The following DAB1 variants were observed in gnomAD, a reference collection of about 807,000 sequenced individuals.
The protein encoded by DAB1 is disabled homolog 1.
Under a neutral mutation model 64.6 loss-of-function variants are expected in DAB1, and 15 were observed. The ratio of observed to expected loss-of-function variants is 0.23; its 90% CI spans 0.16 to 0.36. The LOEUF is 0.36. Among genes scored for constraint, DAB1 ranks in the 10% least tolerant of loss-of-function variants. The pLI, the probability that DAB1 is intolerant of heterozygous loss-of-function variation, is 1.00. For synonymous variants in DAB1, 235 were observed against 251.9 expected (o/e 0.93, Z 0.64); for missense variants, 596 against 706.7 (o/e 0.84, Z 1.78).
In DAB1 at chr1:57,928,767, T is replaced by G. The variant is rs1644914601; in HGVS notation, n.388-44605A>C. On this transcript the variant is annotated intron_variant and non_coding_transcript_variant, in intron 5 of 20. Coordinates refer to the DAB1 transcript ENST00000485760. ...TAAACATTTAAGTTTCCTCCATATC[T>G]TTTTGTAGCTTAAGAGCTCATTTTT... Among the ~76,000 whole-genome samples the G allele has an allele frequency of 2.0e-5, 3 of 152,222 alleles. No homozygotes were observed. The South Asian group carries it at 6.2e-4, about 31-fold the overall frequency.
chr1:57,779,443 G>T (rs573779373), intron 6 of DAB1, among the ~76,000 whole-genome samples: 4 of 152,146 alleles, frequency 2.6e-5, no homozygotes. Flanking sequence ...AGGGTGAAGT[G>T]CCATGGAAAG....
At chr1:57,296,644 T>C (rs975504121) in intron 1 of DAB1, among the ~76,000 whole-genome samples, 1 of 152,090 alleles carries the variant, frequency 6.6e-6, no homozygotes, top group African/African-American at 2.4e-5. Context: ...AATACCGATA[T>C]AATTAAGGAT....
chr1:57,436,368 G>A (rs1277957949), intron 7 of DAB1, among the ~76,000 whole-genome samples: 2 of 152,026 alleles, frequency 1.3e-5, no homozygotes, highest in African/African-American at 2.4e-5. Context: ...ATCATATGAC[G>A]GATCAAACTA....
chr1:57,482,112 G>T (rs1244186534), intron 7 of DAB1, among the ~76,000 whole-genome samples: 2 of 152,070 alleles, frequency 1.3e-5, no homozygotes, highest in Non-Finnish European at 2.9e-5. Flanking sequence ...TATCTCCTCT[G>T]ACAAAGGGGA....
chr1:57,096,653 C>A (rs1322833671), intron 4 of DAB1, among the ~76,000 whole-genome samples: 1 of 152,146 alleles, frequency 6.6e-6, no homozygotes, highest in African/African-American at 2.4e-5. Flanking sequence ...TACAGTCACT[C>A]CCCACAGTCA....
In DAB1 at chr1:57,089,230, G is replaced by T. The variant is rs1201673875; in HGVS notation, c.307-16816C>A. On this transcript the variant is annotated intron_variant, in intron 4 of 14. Transcript: ENST00000371236. ...ACTATTCAAAGTGTATCCCATGAGG[G>T]AATAACTTCTCTGTTTATGTACAAT... 2.0e-5 allele frequency among the ~76,000 whole-genome samples: 3 copies of T among 152,136 alleles called. No individual in the cohort carries two copies. The East Asian group carries it at 5.8e-4, about 29-fold the overall frequency.
chr1:58,120,583 C>A lies in DAB1; in HGVS notation n.387+29928G>T, dbSNP rs372480631. Among the ~76,000 whole-genome samples, 88 of 152,268 alleles carry A rather than the reference C, an allele frequency of 5.8e-4. 2 individuals are homozygous for A. In the South Asian group the frequency reaches 0.017, roughly 29 times the overall value. On this transcript the variant is annotated intron_variant and non_coding_transcript_variant, in intron 5 of 20. Coordinates refer to the DAB1 transcript ENST00000485760. ...AGAACCCTGCACAATGTCTGGCCCA[C>A]GGAAGATGCTTCCTTCCCTTGTCCA...
intron 5 of DAB1, among the ~76,000 whole-genome samples, chr1:58,141,394 T>C (rs941846462): frequency 1.3e-5 from 2 of 152,084 alleles, no homozygotes; most frequent in Non-Finnish European, 2.9e-5. Context: ...GAGAACAGCA[T>C]GGGAAAAACC....
intron 1 of DAB1, chr1:58,534,083 T>C (rs758739580): frequency 1.2e-6 from 1 of 868,928 alleles, no homozygotes; most frequent in Admixed American, 1.7e-5. Context: ...GAAAATAATG[T>C]AAGCAATTAG....
chr1:57,639,199 T>C (rs1257993549), intron 7 of DAB1, among the ~76,000 whole-genome samples: 1 of 137,280 alleles, frequency 7.3e-6, no homozygotes, highest in Non-Finnish European at 1.6e-5. Flanking sequence ...AAGTTCTTCA[T>C]AAAGAACTTT....
intron 3 of DAB1, among the ~76,000 whole-genome samples, chr1:58,440,728 A>C (rs1288583756): frequency 1.3e-5 from 2 of 152,232 alleles, no homozygotes; most frequent in Admixed American, 1.3e-4. Context: ...ATTTAGCCGT[A>C]ACAACTCTGT....
chr1:58,470,308 G>A (rs1645343262), intron 3 of DAB1, among the ~76,000 whole-genome samples: 1 of 151,990 alleles, frequency 6.6e-6, no homozygotes. Context: ...CAAGCAGGTG[G>A]GATTACAGGT....
chr1:58,425,562 T>A (rs1293450343), intron 3 of DAB1, among the ~76,000 whole-genome samples: 2 of 152,064 alleles, frequency 1.3e-5, no homozygotes, highest in African/African-American at 2.4e-5. Flanking sequence ...GGCAAAGAAC[T>A]TGCCAAGGAC....
At chr1:58,443,973 GGTT>G (rs1366011082) in intron 3 of DAB1, among the ~76,000 whole-genome samples, 1 of 152,114 alleles carries the variant, frequency 6.6e-6, no homozygotes, top group Non-Finnish European at 1.5e-5. Context: ...GTAAAATGAA[GGTT>G]ATAATAATGT....
At chr1:58,223,068 C>A (rs1174608437) in intron 4 of DAB1, among the ~76,000 whole-genome samples, 1 of 152,164 alleles carries the variant, frequency 6.6e-6, no homozygotes, top group East Asian at 1.9e-4. Flanking sequence ...GTCTTCTATC[C>A]ATGAGATTGT....
At chr1:58,541,670 T>C (rs554716517) in intron 1 of DAB1, 7 of 132,402 alleles carry the variant, frequency 5.3e-5, no homozygotes, top group Admixed American at 5.2e-4. Context: ...AAAACCCAGA[T>C]TGAGGGAATC....
chr1:58,151,959 A>C (rs1654963261), intron 4 of DAB1, among the ~76,000 whole-genome samples: 1 of 152,172 alleles, frequency 6.6e-6, no homozygotes, highest in African/African-American at 2.4e-5. Flanking sequence ...TCAGAGATTT[A>C]AGTAACAGAA....
intron 7 of DAB1, among the ~76,000 whole-genome samples, chr1:57,553,484 G>GGAAA (rs1644950566): frequency 9.4e-6 from 1 of 106,044 alleles, no homozygotes; most frequent in African/African-American, 3.2e-5. Flanking sequence ...AAGGAAGGAA[G>GGAAA]GAAGGAAGGA....
In DAB1 at chr1:58,370,366, AGTGTGTGCGTGTGTGTGTGT is replaced by A. The variant is rs1263068898; in HGVS notation, n.258-26983_258-26964del. Reference sequence around the variant, plus strand: ...AAAAAGATACTGTATGTTACTTATGAGTGTGTGCGTGTGTGTGTGTGTGTGTGTGTGTGTGTGTGTGTGTG... The same window carrying A: ...AAAAAGATACTGTATGTTACTTATGAGTGTGTGTGTGTGTGTGTGTGTGTG... On this transcript the variant is annotated intron_variant and non_coding_transcript_variant, in intron 3 of 20. Transcript: ENST00000485760. Among the ~76,000 whole-genome samples the A allele has an allele frequency of 1.4e-4, 18 of 124,566 alleles. No homozygotes were observed. In the East Asian group the frequency reaches 4.0e-3, roughly 28 times the overall value. The allele number at this position is 124,566 out of a possible 152,430, so 81.7% of individuals were successfully genotyped here. A position where few individuals can be genotyped will look rare whatever the true frequency, so the allele number is the denominator to read the frequency against.
Sources: allele counts gnomAD v4.1 joint callset (sites outside exome capture counted in the v4.1 genomes callset), GRCh38; gene constraint gnomAD v4.1.1; transcripts MANE v1.5; gene names NCBI Gene and HGNC (gene_info 2026-07-23, HGNC 2026-07-21).